The following FAM107A variants were observed in gnomAD, a reference collection of about 807,000 sequenced individuals.
FAM107A encodes the protein family with sequence similarity 107 member A.
Under a neutral mutation model 13.7 loss-of-function variants are expected in FAM107A, and 19 were observed. The ratio of observed to expected loss-of-function variants is 1.38; its 90% CI spans 0.97 to 2.03. The LOEUF (loss-of-function observed/expected upper bound fraction) is 2.03, where lower values mean the gene tolerates loss of function less well. FAM107A is among the 30% of genes most tolerant of loss of function. The pLI is 0.00. For missense variants in FAM107A, 203 were observed against 184.4 expected, an observed-to-expected ratio of 1.10 and a Z score of -0.58; for synonymous variants, 82 against 74.5, an observed-to-expected ratio of 1.10 and a Z score of -0.52.
At chr3:58,592,296 C>T (rs925219936) in intron 1 of FAM107A, among the ~76,000 whole-genome samples, 11 of 152,154 alleles carry the variant, frequency 7.2e-5, no homozygotes, top group African/African-American at 2.7e-4. Flanking sequence ...GTCCCAAGGG[C>T]AACATTAGCA....
At chr3:58,582,289 T>G (rs926368708), upstream of FAM107A, among the ~76,000 whole-genome samples, 1 of 152,228 alleles carries the variant, frequency 6.6e-6, no homozygotes, top group Non-Finnish European at 1.5e-5. Context: ...TGCCCTGTAT[T>G]TTATCTGGCA....
Position 58,569,924 on chromosome 3 carries a change from T to G in FAM107A, c.-5-59A>C. The G allele has an allele frequency of 6.5e-7, 1 of 1,535,354 alleles. No individual in the cohort carries two copies. ...GAGCCTATAATCTCACCCTGCCCCA[T>G]GGGACACAGTTGAAGGGCAAGGTTT... On this transcript the variant is annotated intron_variant, in intron 1 of 3. Coordinates refer to ENST00000360997, the MANE Select transcript of FAM107A (RefSeq NM_001076778.3). The surrounding 1 kb of genome is among the most constrained non-coding windows in gnomAD (Gnocchi z 5.7).
chr3:58,621,730 G>C (rs1575459709), intron 1 of FAM107A, among the ~76,000 whole-genome samples: 1 of 152,216 alleles, frequency 6.6e-6, no homozygotes, highest in Admixed American at 6.5e-5. Context: ...TTGGCCCCAG[G>C]CCTCTTCTCC....
At chr3:58,579,025 G>C (rs546815769), upstream of FAM107A, among the ~76,000 whole-genome samples, 2 of 152,344 alleles carry the variant, frequency 1.3e-5, no homozygotes, top group South Asian at 2.1e-4. Flanking sequence ...ACCTTCAAGG[G>C]GGACACACAG....
intron 1 of FAM107A, among the ~76,000 whole-genome samples, chr3:58,612,385 G>C (rs2065862892): frequency 6.6e-6 from 1 of 152,088 alleles, no homozygotes; most frequent in African/African-American, 2.4e-5. Context: ...TTGGAGACGA[G>C]CCTAGGCAAC....
rs570066986 is a variant in FAM107A, at chr3:58,604,214, G to T, written c.-69-14945C>A. ...TTGCTAGGAGACATTTCTCAAGAAA[G>T]GTTCCTTTGGAAAATGAGCTCAGTC... On this transcript the variant is annotated intron_variant, in intron 1 of 3. Coordinates refer to the FAM107A transcript ENST00000465970. This position sits in a 1 kb window ranked among gnomAD's most constrained non-coding sequence, Gnocchi z 4.1. Among the ~76,000 whole-genome samples the T allele has an allele frequency of 2.6e-5, 4 of 152,022 alleles. No homozygotes were observed. Among genetic ancestry groups the T allele is most frequent in the Non-Finnish European group, 5.9e-5 (4 of 68,000 alleles).
intron 1 of FAM107A, among the ~76,000 whole-genome samples, chr3:58,597,602 T>C (rs918036647): frequency 6.6e-6 from 1 of 152,244 alleles, no homozygotes; most frequent in Non-Finnish European, 1.5e-5. Flanking sequence ...TCTTGGCACA[T>C]AGGTGCTTTG....
upstream of FAM107A, among the ~76,000 whole-genome samples, chr3:58,579,406 C>G (rs2065501602): frequency 6.6e-6 from 1 of 152,066 alleles, no homozygotes; most frequent in South Asian, 2.1e-4. Flanking sequence ...TTTCTGGAAA[C>G]AATGTGTGGT....
At chr3:58,611,681 C>G (rs114126390) in intron 1 of FAM107A, among the ~76,000 whole-genome samples, 3,025 of 152,280 alleles carry the variant, frequency 0.02, 47 homozygotes, top group Non-Finnish European at 0.027. Flanking sequence ...GGGACGGCTG[C>G]CTGGGTCTGA....
At position 58,596,440 on chromosome 3, in the gene FAM107A, G is replaced by A. The variant is rs184055816; in HGVS notation, c.-69-7171C>T. 5.5e-3 allele frequency among the ~76,000 whole-genome samples: 844 copies of A among 152,320 alleles called. 2 individuals carry two copies. Among genetic ancestry groups the A allele is most frequent in the Non-Finnish European group, 9.6e-3 (650 of 68,028 alleles). Reference sequence around the variant, plus strand: ...CGCCTGTAATCCCAGCACTTTGGGAGGCTAAGGTGGGCAGATGGCGTGAGC... The same window carrying A: ...CGCCTGTAATCCCAGCACTTTGGGAAGCTAAGGTGGGCAGATGGCGTGAGC... On this transcript the variant is annotated intron_variant, in intron 1 of 3. Coordinates refer to the FAM107A transcript ENST00000465970.
rs560218721 is a variant in FAM107A, at chr3:58,602,744, T to C, written c.-69-13475A>G. On this transcript the variant is annotated intron_variant, in intron 1 of 3. Coordinates refer to the FAM107A transcript ENST00000465970. ...TTTTGTTACACATGTAGTGTTACTTTATGTATTCAGTCTTACATATCTATA... is the reference window on the plus strand; with the variant it reads ...TTTTGTTACACATGTAGTGTTACTTCATGTATTCAGTCTTACATATCTATA... Among the ~76,000 whole-genome samples the C allele has an allele frequency of 4.6e-5, 7 of 152,376 alleles. No individual in the cohort carries two copies. In the South Asian group the frequency reaches 1.5e-3, roughly 32 times the overall value.
intron 1 of FAM107A, among the ~76,000 whole-genome samples, chr3:58,600,714 T>C (rs1183547237): frequency 6.6e-6 from 1 of 152,210 alleles, no homozygotes; most frequent in African/African-American, 2.4e-5. Context: ...AATTTTAGTC[T>C]TATTTAATCA....
upstream of FAM107A, chr3:58,587,149 C>T: frequency 7.4e-7 from 1 of 1,342,794 alleles, no homozygotes; most frequent in Non-Finnish European, 9.5e-7. Flanking sequence ...TGTCCGCGCC[C>T]AGGTAGCAGG....
At chr3:58,612,353 G>T (rs1333658776) in intron 1 of FAM107A, among the ~76,000 whole-genome samples, 2 of 152,154 alleles carry the variant, frequency 1.3e-5, no homozygotes, top group Non-Finnish European at 2.9e-5. Flanking sequence ...GCTGAGGGGG[G>T]CAGATCACTT....
upstream of FAM107A, among the ~76,000 whole-genome samples, chr3:58,577,947 C>T (rs2063744364): frequency 6.6e-6 from 1 of 152,128 alleles, no homozygotes; most frequent in Admixed American, 6.5e-5. This position sits in a 1 kb window ranked among gnomAD's most constrained non-coding sequence, Gnocchi z 4.9. Flanking sequence ...AACGGAAGAG[C>T]GTGGGAGAGG....
chr3:58,623,417 G>A (rs577295194), intron 1 of FAM107A, among the ~76,000 whole-genome samples: 7 of 152,300 alleles, frequency 4.6e-5, no homozygotes, highest in East Asian at 1.9e-4. Context: ...CTATGCTGCC[G>A]CCTCCTGCCC....
At chr3:58,621,297 C>T (rs1298111673) in intron 1 of FAM107A, among the ~76,000 whole-genome samples, 1 of 152,176 alleles carries the variant, frequency 6.6e-6, no homozygotes, top group African/African-American at 2.4e-5. Context: ...GTCACCTTGG[C>T]TGGCACTAAG....
intron 1 of FAM107A, among the ~76,000 whole-genome samples, chr3:58,574,702 G>A (rs2063716003): frequency 6.6e-6 from 1 of 152,162 alleles, no homozygotes; most frequent in Admixed American, 6.5e-5. Context: ...GCAGTTTATG[G>A]GACTGATGTT....
At chr3:58,594,546 C>T (rs1244919430) in intron 1 of FAM107A, among the ~76,000 whole-genome samples, 1 of 152,224 alleles carries the variant, frequency 6.6e-6, no homozygotes, top group Non-Finnish European at 1.5e-5. Context: ...AAGGTCTCTT[C>T]TTCCTCTGTG....
Sources: gnomAD v4.1 joint callset for allele counts (sites outside exome capture counted in the v4.1 genomes callset) on GRCh38, gnomAD v4.1.1 for gene constraint, Gnocchi (gnomAD v3.1) non-coding constraint, MANE v1.5 for transcripts, NCBI Gene and HGNC (gene_info 2026-07-23, HGNC 2026-07-21) for gene names.